ADAMTS19: variants seen among roughly 807,000 people sequenced by gnomAD.
The protein encoded by ADAMTS19 is ADAM metallopeptidase with thrombospondin type 1 motif 19.
In ADAMTS19, 93 loss-of-function variants were observed where a neutral mutation model predicts 153.3. The ratio of observed to expected loss-of-function variants is 0.61; its 90% CI spans 0.51 to 0.72. The LOEUF (loss-of-function observed/expected upper bound fraction) is 0.72. ADAMTS19 is among the 30% of genes least tolerant of loss of function. The pLI, the probability that ADAMTS19 is intolerant of heterozygous loss-of-function variation, is 0.00. For missense variants in ADAMTS19, 1,482 were observed against 1,552.1 expected (o/e 0.95, Z 0.76); for synonymous variants, 600 against 556.6 (o/e 1.08, Z -1.10).
At chr5:129,489,659 G>T (rs548961645) in intron 2 of ADAMTS19, among the ~76,000 whole-genome samples, 1 of 152,240 alleles carries the variant, frequency 6.6e-6, no homozygotes, top group South Asian at 2.1e-4. Context: ...AGACATTAAT[G>T]TGTGAAAATG....
chr5:129,694,395 T>C (rs948347015), intron 18 of ADAMTS19, among the ~76,000 whole-genome samples: 2 of 152,056 alleles, frequency 1.3e-5, no homozygotes, highest in Admixed American at 6.6e-5. Flanking sequence ...AATAAATCAA[T>C]TGAGTGACTA....
chr5:129,517,668 A>G (rs1291929697), intron 3 of ADAMTS19, among the ~76,000 whole-genome samples: 3 of 151,684 alleles, frequency 2.0e-5, no homozygotes, highest in Non-Finnish European at 4.4e-5. Context: ...TTCAGTCTAT[A>G]TGTCTCTTTA....
At position 129,728,420 on chromosome 5, in the gene ADAMTS19, GT is replaced by G. The variant is rs1561673780; in HGVS notation, c.3313-6510del. Among the ~76,000 whole-genome samples the G allele has an allele frequency of 3.9e-5, 6 of 152,098 alleles. No individual in the cohort carries two copies. The South Asian group carries it at 1.2e-3, about 32-fold the overall frequency. Reference sequence around the variant, plus strand: ...GTACATGTACACAACGTGCAGGTTTGTTACATATGTATACCGTTCAGGACAT... The same window carrying G: ...GTACATGTACACAACGTGCAGGTTTGTACATATGTATACCGTTCAGGACAT... On this transcript the variant is annotated intron_variant, in intron 21 of 22. Transcript: ENST00000274487.
chr5:129,712,940 A>T (rs572866160), intron 21 of ADAMTS19, among the ~76,000 whole-genome samples: 1 of 152,334 alleles, frequency 6.6e-6, no homozygotes, highest in South Asian at 2.1e-4. Context: ...CAAGAGAAAT[A>T]TTGTAAAAAT....
chr5:129,605,833 ATAATTAGACTGTCTACTTCC>A (rs1363105941), intron 8 of ADAMTS19, among the ~76,000 whole-genome samples: 1 of 152,192 alleles, frequency 6.6e-6, no homozygotes, highest in African/African-American at 2.4e-5. Flanking sequence ...ACTTTTTATG[ATAATTAGACTGTCTACTTCC>A]TAGAGATGTT....
chr5:129,607,733 G>T (rs543720059), intron 8 of ADAMTS19, among the ~76,000 whole-genome samples: 13 of 152,032 alleles, frequency 8.6e-5, no homozygotes, highest in African/African-American at 2.9e-4. Context: ...CTGGTTATAG[G>T]CCTGTCCAAC....
chr5:129,508,468 C>T (rs890821268), intron 2 of ADAMTS19, among the ~76,000 whole-genome samples: 2 of 151,780 alleles, frequency 1.3e-5, no homozygotes, highest in Non-Finnish European at 2.9e-5. Flanking sequence ...CAGTTTCAAC[C>T]CTCTGTCTCA....
intron 3 of ADAMTS19, among the ~76,000 whole-genome samples, chr5:129,510,777 GA>G (rs1271476838): frequency 6.6e-6 from 1 of 151,176 alleles, no homozygotes. Context: ...AAGGTTTCTA[GA>G]AAATTCTGAA....
intron 7 of ADAMTS19, among the ~76,000 whole-genome samples, chr5:129,552,942 C>T (rs1252681350): frequency 1.3e-5 from 2 of 151,914 alleles, no homozygotes; most frequent in African/African-American, 2.4e-5. Flanking sequence ...AAGGAATTGT[C>T]GGCATGAAAA....
intron 3 of ADAMTS19, among the ~76,000 whole-genome samples, chr5:129,518,199 T>A (rs1164858240): frequency 6.6e-6 from 1 of 152,162 alleles, no homozygotes; most frequent in Non-Finnish European, 1.5e-5. Flanking sequence ...TGTCATTGTT[T>A]AGTCTTTTTA....
At chr5:129,473,650 G>A (rs1750135836) in intron 2 of ADAMTS19, among the ~76,000 whole-genome samples, 1 of 151,968 alleles carries the variant, frequency 6.6e-6, no homozygotes, top group South Asian at 2.1e-4. Context: ...TTGCTAACAT[G>A]GATAATTTCT....
intron 7 of ADAMTS19, among the ~76,000 whole-genome samples, chr5:129,594,422 A>G (rs1004981351): frequency 5.9e-5 from 9 of 152,144 alleles, no homozygotes; most frequent in Non-Finnish European, 1.3e-4. Flanking sequence ...GAATCTTAAG[A>G]GAAAATTTGT....
rs139187461 is a variant in ADAMTS19, at chr5:129,561,404, C to T, written c.1372+9497C>T. On this transcript the variant is annotated intron_variant, in intron 7 of 22. Transcript: ENST00000274487. Reference sequence around the variant, plus strand: ...ATTAGCCGGGCGCGGTGGCGGGCGCCTGTAGTCCCAGCTACTCGGGAGGCT... The same window carrying T: ...ATTAGCCGGGCGCGGTGGCGGGCGCTTGTAGTCCCAGCTACTCGGGAGGCT... Among the ~76,000 whole-genome samples, 985 of 152,160 alleles carry T rather than the reference C, an allele frequency of 6.5e-3. 11 individuals carry two copies. The highest frequency in any genetic ancestry group is 0.021 in the African/African-American group (854 of 41,536).
chr5:129,701,588 C>A lies in ADAMTS19; in HGVS notation c.3155C>A (p.Ser1052Tyr). ...ACCGTGTGGGAGGCGGGAGTGTGGTCTGAGGTGCATACATGCCCCCTTTCT... is the reference window on the plus strand; with the variant it reads ...ACCGTGTGGGAGGCGGGAGTGTGGTATGAGGTGCATACATGCCCCCTTTCT... ...CMTVWEAGVWSECSVKCGKGI... is the reference protein window; with the variant it reads ...CMTVWEAGVWYECSVKCGKGI... Residue 1052 changes from serine to tyrosine, a missense_variant, in exon 20 of 23, where the codon TCT becomes TAT. Physicochemically the swap from Ser to Tyr is moderately radical, Grantham distance 144. Coordinates refer to ENST00000274487, the MANE Select transcript of ADAMTS19 (RefSeq NM_133638.6). The A allele has an allele frequency of 1.2e-6, 2 of 1,614,116 alleles. No individual in the cohort carries two copies. Among genetic ancestry groups the A allele is most frequent in the South Asian group, 1.1e-5 (1 of 91,054 alleles).
chr5:129,664,336 G>A (rs1753941676), intron 15 of ADAMTS19, among the ~76,000 whole-genome samples: 1 of 152,204 alleles, frequency 6.6e-6, no homozygotes, highest in Middle Eastern at 3.4e-3. Flanking sequence ...ACTTCTGTGT[G>A]CAAATAGCCA....
At chr5:129,610,092 A>T (rs1305038684) in intron 8 of ADAMTS19, among the ~76,000 whole-genome samples, 3 of 39,460 alleles carry the variant, frequency 7.6e-5, no homozygotes, top group African/African-American at 2.1e-4. Context: ...AGGTAGTGGT[A>T]TTATATATAT....
intron 8 of ADAMTS19, among the ~76,000 whole-genome samples, chr5:129,612,605 C>T (rs1419167073): frequency 1.3e-5 from 2 of 151,994 alleles, no homozygotes; most frequent in Non-Finnish European, 2.9e-5. Flanking sequence ...TAAAGAACAT[C>T]GATGCTAGGA....
chr5:129,629,658 A>T (rs1221950242), intron 10 of ADAMTS19, among the ~76,000 whole-genome samples: 1 of 152,118 alleles, frequency 6.6e-6, no homozygotes, highest in Admixed American at 6.6e-5. Context: ...GATTCTGGTG[A>T]AAAATGTTGA....
chr5:129,590,860 C>T (rs1285290812), intron 7 of ADAMTS19, among the ~76,000 whole-genome samples: 3 of 152,056 alleles, frequency 2.0e-5, no homozygotes, highest in African/African-American at 7.2e-5. Flanking sequence ...AATTTTGGTT[C>T]TTCACAATTA....
Sources: gnomAD v4.1 joint callset for allele counts (sites outside exome capture counted in the v4.1 genomes callset) on GRCh38, gnomAD v4.1.1 for gene constraint, MANE v1.5 for transcripts, NCBI Gene and HGNC (gene_info 2026-07-23, HGNC 2026-07-21) for gene names.